The following PARP14 variants were observed in gnomAD, a reference collection of about 807,000 sequenced individuals.
The protein encoded by PARP14 is poly(ADP-ribose) polymerase family member 14.
Under a neutral mutation model 154.2 loss-of-function variants are expected in PARP14, and 59 were observed. The ratio of observed to expected loss-of-function variants is 0.38; its 90% CI spans 0.31 to 0.48. The LOEUF (loss-of-function observed/expected upper bound fraction) is 0.48. PARP14 is among the 20% of genes least tolerant of loss of function. PARP14 has a pLI of 0.98. For missense variants in PARP14, 1,734 were observed against 2,131.6 expected (o/e 0.81, Z 3.67); for synonymous variants, 720 against 780.5 (o/e 0.92, Z 1.29).
intron 6 of PARP14, 65 bp from the exon 7 acceptor site, chr3:122,703,677 T>G: frequency 2.1e-6 from 2 of 939,694 alleles, no homozygotes; most frequent in Non-Finnish European, 3.2e-6. Flanking sequence ...GTGCCTCAAA[T>G]ATAGTAATCA....
chr3:122,708,786 T>C (rs1310103475), intron 9 of PARP14, among the ~76,000 whole-genome samples: 10 of 152,146 alleles, frequency 6.6e-5, no homozygotes, highest in African/African-American at 2.4e-4. Context: ...TTGACAGTGT[T>C]CCAAGGTCTC....
At chr3:122,706,059 A>T (rs2107647171) in intron 8 of PARP14, among the ~76,000 whole-genome samples, 1 of 152,340 alleles carries the variant, frequency 6.6e-6, no homozygotes, top group East Asian at 1.9e-4. Flanking sequence ...AGAGGCATGA[A>T]GTGCTGTTTT....
rs960429057 is a variant in PARP14, at chr3:122,700,353, G to A, written c.1799G>A (p.Arg600His). The A allele has an allele frequency of 5.6e-6, 9 of 1,613,682 alleles. No homozygotes were observed. The highest frequency in any genetic ancestry group is 3.3e-5 in the Admixed American group (2 of 59,992). The stretch of plus-strand genomic sequence containing the variant: ...ATGCTCAGTGCCTTAAATTATAAGC[G>A]CATTGAAGTTGAGAACAAAGAAGTT... ...KQMLSALNYK[R>H]IEVENKEVLH... Residue 600 changes from arginine (R) to histidine (H), a missense_variant, in exon 6 of 17, where the codon CGC (arginine) becomes CAC (histidine). Arg to His is a conservative substitution (Grantham distance 29). Around this residue, in one of 2 missense-constraint regions of PARP14, gnomAD observed 1,646 missense variants for 1,976.0 expected, o/e 0.83. Transcript: ENST00000474629.
chr3:122,728,050 G>A, intron 16 of PARP14, 64 bp downstream of exon 16: 3 of 1,439,276 alleles, frequency 2.1e-6, no homozygotes, highest in East Asian at 2.3e-5. Context: ...CGAGTTGGCT[G>A]GGACAGTGTG....
In PARP14 at chr3:122,711,651, A is replaced by G. The variant is rs182545918; in HGVS notation, c.3620-1773A>G. On this transcript the variant is annotated intron_variant, in intron 9 of 16. Coordinates refer to ENST00000474629, the MANE Select transcript of PARP14 (RefSeq NM_017554.3). Reference sequence around the variant, plus strand: ...CTCTATCTTTTGGAATAGTTTCAGTAGGATTGGTACCAATTCTTTGAATGT... The same window carrying G: ...CTCTATCTTTTGGAATAGTTTCAGTGGGATTGGTACCAATTCTTTGAATGT... Among the ~76,000 whole-genome samples, 691 of 152,282 alleles carry G rather than the reference A, an allele frequency of 4.5e-3. 5 individuals carry two copies. Among genetic ancestry groups the G allele is most frequent in the Non-Finnish European group, 4.6e-3 (311 of 68,004 alleles).
rs781618096 is a variant in PARP14 at position 122,718,970 on chromosome 3, A to G, written c.4807+12A>G. 3 of 1,548,114 alleles carry G rather than the reference A, an allele frequency of 1.9e-6. No homozygotes were observed. Among genetic ancestry groups the G allele is most frequent in the African/African-American group, 2.8e-5 (2 of 72,612 alleles). ...CACGAAATCCAAAGGTGAGTTAAACATTCATACTTGTCATCCACTATTTCA... is the reference window on the plus strand; with the variant it reads ...CACGAAATCCAAAGGTGAGTTAAACGTTCATACTTGTCATCCACTATTTCA... On this transcript the variant is annotated intron_variant, in intron 14 of 16. Transcript: ENST00000474629.
chr3:122,688,481 CT>C (rs1938442705), intron 3 of PARP14, among the ~76,000 whole-genome samples: 1 of 152,152 alleles, frequency 6.6e-6, no homozygotes, highest in South Asian at 2.1e-4. Flanking sequence ...ATTTTCTAAC[CT>C]GTTTTTACCC....
chr3:122,708,466 CAA>C (rs1261481767), intron 9 of PARP14, among the ~76,000 whole-genome samples, 198 bp downstream of exon 9: 1 of 152,076 alleles, frequency 6.6e-6, no homozygotes, highest in Non-Finnish European at 1.5e-5. Context: ...GAAGGCAGGC[CAA>C]GTTATGTAAT....
chr3:122,706,016 G>A (rs1362709548), intron 8 of PARP14, among the ~76,000 whole-genome samples: 2 of 152,206 alleles, frequency 1.3e-5, no homozygotes, highest in Non-Finnish European at 2.9e-5. Context: ...TTACTTTGGA[G>A]CTAAGATTTA....
At chr3:122,703,150 G>T (rs1366766124) in intron 6 of PARP14, among the ~76,000 whole-genome samples, 1 of 151,950 alleles carries the variant, frequency 6.6e-6, no homozygotes, top group Non-Finnish European at 1.5e-5. Flanking sequence ...AAAATCACTT[G>T]GTTACATTCC....
At chr3:122,691,218 C>A (rs1014642850) in intron 3 of PARP14, among the ~76,000 whole-genome samples, 4 of 152,184 alleles carry the variant, frequency 2.6e-5, no homozygotes, top group Non-Finnish European at 4.4e-5. Flanking sequence ...CTGTAAATTT[C>A]TTAACTAATG....
chr3:122,720,450 A>G (rs775873858), intron 15 of PARP14, 62 bp downstream of exon 15: 27 of 1,499,822 alleles, frequency 1.8e-5, no homozygotes, highest in Non-Finnish European at 2.5e-5. Context: ...ATGGTCCTAT[A>G]TAAAATCCAT....
intron 1 of PARP14, 126 bp from the exon 2 acceptor site, chr3:122,685,059 T>C: frequency 1.1e-6 from 1 of 937,678 alleles, no homozygotes; most frequent in Non-Finnish European, 1.6e-6. Context: ...ACTTCACATA[T>C]AGCCTCTCTT....
At chr3:122,688,690 G>A (rs1237765961) in intron 3 of PARP14, among the ~76,000 whole-genome samples, 1 of 152,192 alleles carries the variant, frequency 6.6e-6, no homozygotes, top group East Asian at 1.9e-4. Flanking sequence ...CAAAGTGTGG[G>A]TGGAGAATAG....
rs952581054 is a variant in PARP14, at chr3:122,701,152, C to T, written c.2598C>T (p.Ile866=). Residue 866 remains isoleucine, a synonymous_variant, in exon 6 of 17, where the codon ATC becomes ATT. Coordinates refer to ENST00000474629, the MANE Select transcript of PARP14 (RefSeq NM_017554.3). This position sits in a 1 kb window ranked among gnomAD's most constrained non-coding sequence, Gnocchi z 4.0. ...EGRLLPGNAT[I]SKAGKLPYHH... is the part of the protein sequence containing the mutation. ...GACTCCTACCGGGCAATGCCACCAT[C>T]TCCAAGGCAGGAAAGCTGCCCTACC... 1.2e-6 allele frequency: 2 copies of T among 1,613,836 alleles called. No homozygotes were observed. The highest frequency in any genetic ancestry group is 1.7e-6 in the Non-Finnish European group (2 of 1,179,872).
chr3:122,685,373 G>T, intron 2 of PARP14, 55 bp downstream of exon 2: 1 of 1,504,050 alleles, frequency 6.6e-7, no homozygotes. Flanking sequence ...AGGTGTGTGA[G>T]ATGGGAATCA....
chr3:122,685,118 C>A, intron 1 of PARP14, 67 bp from the exon 2 acceptor site: 1 of 1,570,834 alleles, frequency 6.4e-7, no homozygotes, highest in Non-Finnish European at 8.7e-7. Context: ...CCACGGAAAT[C>A]ATAGAATAAT....
chr3:122,687,340 A>G (rs17270227), intron 3 of PARP14, among the ~76,000 whole-genome samples: 9,157 of 152,288 alleles, frequency 0.06, 320 homozygotes, highest in Middle Eastern at 0.088. Context: ...TGGGGACTGG[A>G]AGACACCTTG....
intron 12 of PARP14, among the ~76,000 whole-genome samples, chr3:122,714,826 G>A (rs1317169539): frequency 1.3e-5 from 2 of 152,122 alleles, no homozygotes; most frequent in Non-Finnish European, 2.9e-5. Context: ...TCTCCATGGA[G>A]AATATTAGTA....
Sources: gnomAD v4.1 joint callset for allele counts (sites outside exome capture counted in the v4.1 genomes callset) on GRCh38, gnomAD v4.1.1 for gene constraint, gnomAD v4.1.1 regional missense constraint, Gnocchi (gnomAD v3.1) non-coding constraint, MANE v1.5 for transcripts, NCBI Gene and HGNC (gene_info 2026-07-23, HGNC 2026-07-21) for gene names.